IDUA: variants seen among roughly 807,000 people sequenced by gnomAD.
IDUA encodes iduronidase alpha-L-.
Under a neutral mutation model 68.9 loss-of-function variants are expected in IDUA, and 65 were observed. The ratio of observed to expected loss-of-function variants is 0.94; its 90% CI spans 0.77 to 1.16. The LOEUF is 1.16. Among genes scored for constraint, IDUA ranks in the 50% most tolerant of loss-of-function variants. The pLI is 0.00. For synonymous variants in IDUA, 529 were observed against 433.6 expected, an observed-to-expected ratio of 1.22 and a Z score of -2.73; for missense variants, 1,046 against 938.0, an observed-to-expected ratio of 1.12 and a Z score of -1.50.
In IDUA at chr4:1,003,108, G is replaced by A. The variant is rs121965026; in HGVS notation, c.1475G>A (p.Arg492Gln). ...SPDGEWRRLG[R>Q]PVFPTAEQFR... ...GACGGCGAGTGGCGGCGCCTGGGCC[G>A]GCCCGTCTTCCCCACGGCAGAGCAG... The change falls in exon 10 of 14, where the codon CGG (arginine) becomes CAG (glutamine). Residue 492 changes from arginine to glutamine, a missense_variant. By Grantham distance (43) the Arg-to-Gln change is conservative. Transcript: ENST00000514224. 2 of 1,514,756 alleles carry A rather than the reference G, an allele frequency of 1.3e-6. No individual in the cohort carries two copies. Among genetic ancestry groups the A allele is most frequent in the Non-Finnish European group, 1.8e-6 (2 of 1,139,746 alleles). 93.8% of individuals were successfully genotyped at this position (1,514,756 alleles called of 1,614,324 possible).
chr4:994,280 C>CT (rs781736230), intron 2 of IDUA, among the ~76,000 whole-genome samples: 16,912 of 144,368 alleles, frequency 0.12, 1,129 homozygotes, highest in South Asian at 0.33. Flanking sequence ...CCCACCTTTT[C>CT]TTTTTTTTTT....
intron 2 of IDUA, chr4:989,515 GCCCA>G: frequency 1.9e-6 from 3 of 1,553,738 alleles, no homozygotes; most frequent in Non-Finnish European, 2.6e-6. Context: ...CGCGGTGCCT[GCCCA>G]GACCAGCGCG....
rs760342781 is a variant in IDUA, at chr4:1,000,956, G to T, written c.460G>T (p.Asp154Tyr). The change falls in exon 4 of 14, where the codon GAC (aspartate) becomes TAC (tyrosine). Residue 154 changes from aspartate to tyrosine, a missense_variant. Physicochemically the swap from Asp to Tyr is radical, Grantham distance 160. Transcript: ENST00000514224. ...CAAGCAGCAGGTGTTTGAGTGGAAGGACTTGGTCTCCAGCCTGGCCAGGAG... is the reference window on the plus strand; with the variant it reads ...CAAGCAGCAGGTGTTTGAGTGGAAGTACTTGGTCTCCAGCCTGGCCAGGAG... ...EDKQQVFEWKDLVSSLARRYI... is the reference protein window; with the variant it reads ...EDKQQVFEWKYLVSSLARRYI... The T allele has an allele frequency of 2.5e-6, 4 of 1,613,380 alleles. No individual in the cohort carries two copies. Among genetic ancestry groups the T allele is most frequent in the African/African-American group, 2.7e-5 (2 of 75,070 alleles).
At chr4:991,678 T>G in intron 2 of IDUA, 1 of 1,534,646 alleles carries the variant, frequency 6.5e-7, no homozygotes, top group Non-Finnish European at 8.7e-7. Flanking sequence ...TCTGCCCTGC[T>G]GCAGAGGCTC....
chr4:1,000,770 CCTCT>C, intron 3 of IDUA, 73 bp downstream of exon 3: 1 of 1,469,042 alleles, frequency 6.8e-7, no homozygotes, highest in Non-Finnish European at 9.5e-7. Context: ...TCACCCAGCC[CCTCT>C]GAGTCCTTGG....
chr4:990,038 C>G (rs1378463608), intron 2 of IDUA: 16 of 1,597,974 alleles, frequency 1.0e-5, no homozygotes. Context: ...AGTGTGGCCA[C>G]CACGATGACC....
In IDUA at chr4:1,001,112, T is replaced by G. The variant is rs116454030; in HGVS notation, c.493+123T>G. 17,733 of 706,906 alleles carry G rather than the reference T, an allele frequency of 0.025. 283 individuals carry two copies. The highest frequency in any genetic ancestry group is 0.032 in the Non-Finnish European group (12,984 of 409,920). 43.8% of individuals were successfully genotyped at this position (706,906 alleles called of 1,614,324 possible). ...ATTGGTGGGCAGGCGCAGGCCCTTGTGGGGGGATGGGGGTGACAAGGGATA... is the reference window on the plus strand; with the variant it reads ...ATTGGTGGGCAGGCGCAGGCCCTTGGGGGGGGATGGGGGTGACAAGGGATA... On this transcript the variant is annotated intron_variant, in intron 4 of 13. Coordinates refer to ENST00000514224, the MANE Select transcript of IDUA (RefSeq NM_000203.5).
At chr4:1,003,763 T>G in intron 12 of IDUA, 138 bp downstream of exon 12, 1 of 1,003,272 alleles carries the variant, frequency 1.0e-6, no homozygotes, top group Non-Finnish European at 1.5e-6. Context: ...GTCCCTGCCC[T>G]TCACCCCACA....
chr4:1,004,533 A>C lies in IDUA; in HGVS notation c.*140A>C. 3.4e-6 allele frequency: 3 copies of C among 873,558 alleles called. No homozygotes were observed. The highest frequency in any genetic ancestry group is 5.1e-6 in the Non-Finnish European group (3 of 588,870). 54.1% of individuals were successfully genotyped at this position (873,558 alleles called of 1,614,324 possible). ...TATTTTCTTTTATATCTTGGTACCAACGCCCCCTTTAAAGCGGCTTTGCAC... is the reference window on the plus strand; with the variant it reads ...TATTTTCTTTTATATCTTGGTACCACCGCCCCCTTTAAAGCGGCTTTGCAC... On this transcript the variant is annotated 3_prime_UTR_variant, in exon 14 of 14. Coordinates refer to ENST00000514224, the MANE Select transcript of IDUA (RefSeq NM_000203.5). The surrounding 1 kb of genome is among the most constrained non-coding windows in gnomAD (Gnocchi z 5.0).
intron 12 of IDUA, 79 bp from the exon 13 acceptor site, chr4:1,003,933 C>A (rs1394106842): frequency 6.0e-6 from 7 of 1,159,752 alleles, no homozygotes; most frequent in South Asian, 1.2e-5. Context: ...GGCTGTGGGT[C>A]CACGCGGCCG....
chr4:1,001,982 G>A lies in IDUA; in HGVS notation c.793G>A (p.Gly265Ser), dbSNP rs369090960. The change falls in exon 7 of 14, where the codon GGT becomes AGT. Residue 265 changes from glycine to serine, a missense_variant and splice_region_variant. Coordinates refer to ENST00000514224, the MANE Select transcript of IDUA (RefSeq NM_000203.5). ...RLDYISLHRK[G>S]ARSSISILEQ... Reference sequence around the variant, plus strand: ...GGTGCTGAGGCGGCCCCGCCCGCAGGGTGCGCGCAGCTCCATCTCCATCCT... The same window carrying A: ...GGTGCTGAGGCGGCCCCGCCCGCAGAGTGCGCGCAGCTCCATCTCCATCCT... 14 of 1,581,526 alleles carry A rather than the reference G, an allele frequency of 8.9e-6. No individual in the cohort carries two copies. Among genetic ancestry groups the A allele is most frequent in the Non-Finnish European group, 4.3e-6 (5 of 1,165,498 alleles).
Position 989,653 on chromosome 4 carries a change from G to A in IDUA, c.299+1704G>A, listed in dbSNP as rs139142520. On this transcript the variant is annotated intron_variant, in intron 2 of 13. Transcript: ENST00000514224. Reference sequence around the variant, plus strand: ...TAGGTCGTGGAACAGCGGTGCCAGCGCCAGCAGCACCAGCAGCACCACGGT... The same window carrying A: ...TAGGTCGTGGAACAGCGGTGCCAGCACCAGCAGCACCAGCAGCACCACGGT... 5.9e-4 allele frequency: 934 copies of A among 1,588,650 alleles called. 1 individual carries two copies. Among genetic ancestry groups the A allele is most frequent in the Non-Finnish European group, 7.4e-4 (868 of 1,168,886 alleles).
chr4:987,178 G>C lies in IDUA; in HGVS notation c.94G>C (p.Val32Leu). ...GGCCCCGGCCGAGGCCCCGCACCTG[G>C]TGCATGTGGACGCGGCCCGCGCGCT... ...PVAPAEAPHL[V>L]HVDAARALWP... Residue 32 changes from valine to leucine, a missense_variant, in exon 1 of 14, where the codon GTG becomes CTG. Val to Leu is a conservative substitution (Grantham distance 32). Transcript: ENST00000514224. 2.0e-6 allele frequency: 3 copies of C among 1,469,932 alleles called. No homozygotes were observed. The highest frequency in any genetic ancestry group is 1.3e-5 in the South Asian group (1 of 76,976). The allele number at this position is 1,469,932 out of a possible 1,614,324, so 91.1% of individuals were successfully genotyped here.
At chr4:1,003,836 G>A in intron 12 of IDUA, 176 bp from the exon 13 acceptor site, 2 of 786,266 alleles carry the variant, frequency 2.5e-6, no homozygotes, top group Non-Finnish European at 4.4e-6. Context: ...GACATGAGAT[G>A]GACATTCGGG....
intron 2 of IDUA, chr4:991,519 T>G (rs1714330029): frequency 6.2e-7 from 1 of 1,608,088 alleles, no homozygotes; most frequent in Non-Finnish European, 8.5e-7. Flanking sequence ...CGGGCGGTAC[T>G]GACGCAGCCA....
intron 2 of IDUA, chr4:991,728 G>T: frequency 6.5e-7 from 1 of 1,531,218 alleles, no homozygotes; most frequent in South Asian, 1.2e-5. Context: ...TCCCGTGGCC[G>T]ACCTGCGGCC....
At chr4:997,360 G>C (rs1161491735) in intron 2 of IDUA, among the ~76,000 whole-genome samples, 5 of 146,894 alleles carry the variant, frequency 3.4e-5, no homozygotes, top group Non-Finnish European at 7.5e-5. Flanking sequence ...CCTCAGGAGA[G>C]CGCGGCCCTG....
chr4:989,468 G>C, intron 2 of IDUA: 1 of 1,554,012 alleles, frequency 6.4e-7, no homozygotes, highest in Non-Finnish European at 8.7e-7. Context: ...ACGCCAGCCA[G>C]CAGCCCGGCC....
chr4:999,159 C>A (rs548649289), intron 2 of IDUA, among the ~76,000 whole-genome samples: 1 of 151,018 alleles, frequency 6.6e-6, no homozygotes, highest in African/African-American at 2.4e-5. Context: ...GAGCCGAGAT[C>A]GCGCCACTGC....
Sources: allele counts gnomAD v4.1 joint callset (sites outside exome capture counted in the v4.1 genomes callset), GRCh38; gene constraint gnomAD v4.1.1; non-coding constraint Gnocchi (gnomAD v3.1); transcripts MANE v1.5; gene names NCBI Gene and HGNC (gene_info 2026-07-23, HGNC 2026-07-21).